The following NMT1 variants were observed in gnomAD, a reference collection of about 807,000 sequenced individuals.
NMT1 encodes glycylpeptide N-tetradecanoyltransferase 1.
In NMT1, 12 loss-of-function variants were observed where a neutral mutation model predicts 63.4. The observed-to-expected ratio is 0.19, with a 90% confidence interval of 0.12 to 0.31. The LOEUF (loss-of-function observed/expected upper bound fraction) is 0.31, where lower values mean the gene tolerates loss of function less well. Among genes scored for constraint, NMT1 ranks in the 10% least tolerant of loss-of-function variants. The probability of loss-of-function intolerance (pLI) is 1.00; values close to 1 mark genes in which losing one functional copy is unlikely to be tolerated. For missense variants in NMT1, 432 were observed against 634.6 expected, an observed-to-expected ratio of 0.68 and a Z score of 3.43; for synonymous variants, 228 against 234.3, an observed-to-expected ratio of 0.97 and a Z score of 0.25.
At position 45,104,118 on chromosome 17, in the gene NMT1, C is replaced by T. The variant is rs915334988; in HGVS notation, c.1332+242C>T. On this transcript the variant is annotated intron_variant, in intron 10 of 11. Transcript: ENST00000258960. The surrounding 1 kb of genome is among the most constrained non-coding windows in gnomAD (Gnocchi z 4.2). ...TTCATTTCAGTGAGTTTCGTTCTCA[C>T]AGGAGGCGCCACCAAGGAGCCTGAA... is the stretch of plus-strand genomic sequence containing the variant. 3 of 1,402,926 alleles carry T rather than the reference C, an allele frequency of 2.1e-6. No homozygotes were observed. The highest frequency in any genetic ancestry group is 2.8e-6 in the Non-Finnish European group (3 of 1,073,400). The allele number at this position is 1,402,926 out of a possible 1,614,324, so 86.9% of individuals were successfully genotyped here.
rs572620827 is a variant in NMT1 at position 45,105,552 on chromosome 17, A to G, written c.1471-67A>G. The G allele has an allele frequency of 2.1e-4, 337 of 1,573,690 alleles. 5 individuals carry two copies. The East Asian group carries it at 7.5e-3, about 35-fold the overall frequency. On this transcript the variant is annotated intron_variant, in intron 11 of 11. Transcript: ENST00000258960. This position sits in a 1 kb window ranked among gnomAD's most constrained non-coding sequence, Gnocchi z 4.2. ...CCCAGCCACTCGGAACTTCAGGGATAGGGGGTGTGGGAGAGTCTTTGGGCC... is the reference window on the plus strand; with the variant it reads ...CCCAGCCACTCGGAACTTCAGGGATGGGGGGTGTGGGAGAGTCTTTGGGCC...
rs1319569868 is a variant in NMT1 at position 45,093,256 on chromosome 17, A to G, written c.386-429A>G. On this transcript the variant is annotated intron_variant, in intron 3 of 11. Transcript: ENST00000258960. ...CTAGAAGCCATCATCTGGTTCAGAAATGGGCCCAGTACATTGTTGTTGCTG... is the reference window on the plus strand; with the variant it reads ...CTAGAAGCCATCATCTGGTTCAGAAGTGGGCCCAGTACATTGTTGTTGCTG... 2.0e-5 allele frequency among the ~76,000 whole-genome samples: 3 copies of G among 152,222 alleles called. No individual in the cohort carries two copies. The East Asian group carries it at 5.8e-4, about 29-fold the overall frequency.
chr17:45,061,532 A>G (rs2053857957), intron 1 of NMT1, 72 bp downstream of exon 1: 3 of 1,416,770 alleles, frequency 2.1e-6, no homozygotes, highest in African/African-American at 1.4e-5. Flanking sequence ...CGGGGAAGTC[A>G]CCGGGAGCTT....
At position 45,081,830 on chromosome 17, in the gene NMT1, A is replaced by C. The variant is rs996603447; in HGVS notation, c.240+78A>C. On this transcript the variant is annotated intron_variant, in intron 2 of 11. Coordinates refer to ENST00000258960, the MANE Select transcript of NMT1 (RefSeq NM_021079.5). ...GTTTTGAGGTGAATGTATAGGATCA[A>C]CTTGGATTGACGTTCTCCACTGGTA... 7.3e-6 allele frequency: 8 copies of C among 1,096,288 alleles called. No homozygotes were observed. The African/African-American group carries it at 1.3e-4, about 17-fold the overall frequency. 67.9% of individuals were successfully genotyped at this position (1,096,288 alleles called of 1,614,324 possible). A position where few individuals can be genotyped will look rare whatever the true frequency, so the allele number is the denominator to read the frequency against.
At chr17:45,064,947 T>C (rs1469336983) in intron 1 of NMT1, among the ~76,000 whole-genome samples, 1 of 152,172 alleles carries the variant, frequency 6.6e-6, no homozygotes, top group East Asian at 1.9e-4. Context: ...TCCTCCCTCC[T>C]CCTCTTTCTT....
intron 3 of NMT1, among the ~76,000 whole-genome samples, chr17:45,086,864 AAAT>A (rs1206702450): frequency 1.3e-5 from 2 of 152,168 alleles, no homozygotes; most frequent in Non-Finnish European, 2.9e-5. Flanking sequence ...CCTTGAGAAC[AAAT>A]AATGATTCTT....
intron 1 of NMT1, among the ~76,000 whole-genome samples, chr17:45,079,250 G>T (rs923793471): frequency 2.0e-5 from 3 of 151,974 alleles, no homozygotes; most frequent in East Asian, 3.9e-4. Flanking sequence ...GATTACAGGC[G>T]CATGCCTCCA....
At chr17:45,099,726 T>G in intron 8 of NMT1, 2 of 555,556 alleles carry the variant, frequency 3.6e-6, no homozygotes, top group Admixed American at 6.1e-5. Context: ...TCTGAGTCTG[T>G]GCCTGGACTA....
chr17:45,065,704 C>T (rs1251747107), intron 1 of NMT1, among the ~76,000 whole-genome samples: 1 of 150,906 alleles, frequency 6.6e-6, no homozygotes, highest in African/African-American at 2.4e-5. Flanking sequence ...CTGTTGTGTG[C>T]TTTCCACTGT....
At chr17:45,088,915 C>T (rs930805081) in intron 3 of NMT1, among the ~76,000 whole-genome samples, 2 of 152,168 alleles carry the variant, frequency 1.3e-5, no homozygotes, top group Admixed American at 1.3e-4. Context: ...GTTGCTCATA[C>T]GGGCCCTGAC....
At chr17:45,065,623 CAA>C (rs397944011) in intron 1 of NMT1, among the ~76,000 whole-genome samples, 9 of 81,718 alleles carry the variant, frequency 1.1e-4, no homozygotes, top group South Asian at 4.2e-4. Flanking sequence ...GACTCTGTCT[CAA>C]AAAAAAAAAA....
intron 1 of NMT1, among the ~76,000 whole-genome samples, chr17:45,064,926 T>C (rs545780626): frequency 1.3e-5 from 2 of 152,180 alleles, no homozygotes; most frequent in Non-Finnish European, 2.9e-5. Flanking sequence ...ACATCTGGAA[T>C]GCACTCCTTT....
chr17:45,099,080 T>C (rs1376069457), intron 7 of NMT1, among the ~76,000 whole-genome samples: 2 of 152,228 alleles, frequency 1.3e-5, no homozygotes, highest in Non-Finnish European at 2.9e-5. Context: ...TGAGTGCCTC[T>C]GCCATCATCT....
intron 1 of NMT1, among the ~76,000 whole-genome samples, chr17:45,072,875 A>T (rs1000722861): frequency 1.4e-4 from 21 of 152,092 alleles, no homozygotes; most frequent in South Asian, 4.1e-4. Context: ...TTTTAATAAA[A>T]AAAGAAAGTT....
In NMT1 at chr17:45,104,430, C is replaced by T. The variant is rs2054190074; in HGVS notation, c.1333-429C>T. The T allele has an allele frequency of 9.0e-7, 1 of 1,106,242 alleles. No homozygotes were observed. The highest frequency in any genetic ancestry group is 1.1e-6 in the Non-Finnish European group (1 of 902,414). 68.5% of individuals were successfully genotyped at this position (1,106,242 alleles called of 1,614,324 possible). ...AAGCAACACAGCAGGTGTCATACAA[C>T]ATGAGGTGCACTGAGGGCCTGAGAG... is the stretch of plus-strand genomic sequence containing the variant. On this transcript the variant is annotated intron_variant, in intron 10 of 11. Coordinates refer to ENST00000258960, the MANE Select transcript of NMT1 (RefSeq NM_021079.5). The surrounding 1 kb of genome is among the most constrained non-coding windows in gnomAD (Gnocchi z 4.2).
In NMT1 at chr17:45,108,820, T is replaced by C. The variant is rs2054221116; in HGVS notation, c.*3181T>C. The stretch of plus-strand genomic sequence containing the variant: ...TTGAGGACAATTTCATTCCATTAAA[T>C]TAAAAAATACTGACTGGCTGGCAGG... On this transcript the variant is annotated 3_prime_UTR_variant, in exon 12 of 12. Transcript: ENST00000258960. 1 of 152,222 alleles carries C rather than the reference T, an allele frequency of 6.6e-6. No individual in the cohort carries two copies. Among genetic ancestry groups the C allele is most frequent in the African/African-American group, 2.4e-5 (1 of 41,390 alleles). The allele number at this position is 152,222 out of a possible 1,614,324, so 9.4% of individuals were successfully genotyped here. A position where few individuals can be genotyped will look rare whatever the true frequency, so the allele number is the denominator to read the frequency against.
rs73316941 is a variant in NMT1 at position 45,097,436 on chromosome 17, C to A, written c.713+192C>A. Among the ~76,000 whole-genome samples, 891 of 152,182 alleles carry A rather than the reference C, an allele frequency of 5.9e-3. 9 individuals carry two copies. Among genetic ancestry groups the A allele is most frequent in the African/African-American group, 0.021 (862 of 41,506 alleles). The stretch of plus-strand genomic sequence containing the variant: ...GTTCTGCTCAGAGTCCCAGCCAGCT[C>A]CCTTGTTTGTGGCCCAGGTTGGAAG... On this transcript the variant is annotated intron_variant, in intron 6 of 11. Transcript: ENST00000258960.
At chr17:45,088,095 C>T (rs545766902) in intron 3 of NMT1, among the ~76,000 whole-genome samples, 1 of 152,214 alleles carries the variant, frequency 6.6e-6, no homozygotes, top group Non-Finnish European at 1.5e-5. Context: ...TGCATCCCCA[C>T]GGGTGAGGGA....
At position 45,096,262 on chromosome 17, in the gene NMT1, T is replaced by C; in HGVS notation, c.573T>C (p.Asp191=). Residue 191 remains aspartate, a synonymous_variant, in exon 5 of 12, where the codon GAT becomes GAC. Coordinates refer to ENST00000258960, the MANE Select transcript of NMT1 (RefSeq NM_021079.5). ...VEDDDNMFRF[D]YSPEFLLWAL... ...ATGATGACAACATGTTCCGATTTGA[T>C]TATTCCCCGGAGTTTCTTTTGTGGT... The C allele has an allele frequency of 6.2e-7, 1 of 1,614,106 alleles. No individual in the cohort carries two copies. The highest frequency in any genetic ancestry group is 8.5e-7 in the Non-Finnish European group (1 of 1,179,906).
Sources: allele counts gnomAD v4.1 joint callset (sites outside exome capture counted in the v4.1 genomes callset), GRCh38; gene constraint gnomAD v4.1.1; non-coding constraint Gnocchi (gnomAD v3.1); transcripts MANE v1.5; gene names NCBI Gene and HGNC (gene_info 2026-07-23, HGNC 2026-07-21).